Variants in PRR5 observed in about 807,000 individuals in gnomAD.
PRR5 encodes the protein proline rich 5.
PRR5 carries 25 observed loss-of-function variants against 30.6 expected under a neutral mutation model. The ratio of observed to expected loss-of-function variants is 0.82; its 90% confidence interval spans 0.60 to 1.14. The LOEUF (loss-of-function observed/expected upper bound fraction) is 1.14, where lower values mean the gene tolerates loss of function less well. Ranked by LOEUF, PRR5 falls within the 50% of genes most tolerant of loss-of-function variation. PRR5 has a pLI of 0.00. For synonymous variants in PRR5, 286 were observed against 247.1 expected (o/e 1.16, Z -1.48); for missense variants, 600 against 547.1 (o/e 1.10, Z -0.96).
intron 2 of PRR5, among the ~76,000 whole-genome samples, chr22:44,715,050 C>G (rs1928849068): frequency 6.6e-6 from 1 of 152,238 alleles, no homozygotes; most frequent in African/African-American, 2.4e-5. Flanking sequence ...AAGGACCCAC[C>G]TGCCTAACGA....
chr22:44,685,284 C>T (rs975360347), intron 1 of PRR5, among the ~76,000 whole-genome samples: 1 of 152,176 alleles, frequency 6.6e-6, no homozygotes, highest in African/African-American at 2.4e-5. Context: ...ATATCCCACT[C>T]CTGTGCAAGG....
At chr22:44,692,378 C>T (rs1213027291) in intron 1 of PRR5, among the ~76,000 whole-genome samples, 5 of 137,970 alleles carry the variant, frequency 3.6e-5, no homozygotes, top group Non-Finnish European at 7.8e-5. Context: ...CTCCTCCTCC[C>T]GGGGCTCCTC....
chr22:44,717,686 C>T (rs190585750), intron 2 of PRR5, among the ~76,000 whole-genome samples: 7 of 151,412 alleles, frequency 4.6e-5, no homozygotes, highest in East Asian at 1.9e-4. Flanking sequence ...TCTTGAGGTC[C>T]GCTCAGGGAG....
At chr22:44,715,686 G>A (rs937598977) in intron 2 of PRR5, among the ~76,000 whole-genome samples, 2 of 152,114 alleles carry the variant, frequency 1.3e-5, no homozygotes, top group African/African-American at 4.8e-5. Context: ...ACGGGGTCTT[G>A]CTCTTGCCCA....
intron 1 of PRR5, among the ~76,000 whole-genome samples, chr22:44,708,628 G>A (rs1297691497): frequency 6.6e-6 from 1 of 152,070 alleles, no homozygotes; most frequent in East Asian, 1.9e-4. Context: ...AACCTTTAAG[G>A]TGAGCTCAAT....
chr22:44,715,161 A>G (rs962606589), intron 2 of PRR5, among the ~76,000 whole-genome samples: 1 of 152,262 alleles, frequency 6.6e-6, no homozygotes, highest in Admixed American at 6.5e-5. Context: ...CAGGCTGGAC[A>G]CACACCCGAC....
chr22:44,672,959 G>T (rs1296446389), upstream of PRR5, among the ~76,000 whole-genome samples: 1 of 152,218 alleles, frequency 6.6e-6, no homozygotes, highest in African/African-American at 2.4e-5. Flanking sequence ...AGGAAATACT[G>T]CCACAGAGCC....
intron 1 of PRR5, among the ~76,000 whole-genome samples, chr22:44,690,064 C>G (rs1394064808): frequency 6.6e-6 from 1 of 151,908 alleles, no homozygotes; most frequent in East Asian, 1.9e-4. Context: ...TGAGACTGAG[C>G]TTACAGAGGA....
At chr22:44,670,500 G>C (rs1923360120) in intron 1 of PRR5, among the ~76,000 whole-genome samples, 1 of 152,140 alleles carries the variant, frequency 6.6e-6, no homozygotes. Flanking sequence ...CCACCCACAG[G>C]GGCAGTCAGG....
At chr22:44,729,691 G>A (rs952456944) in intron 4 of PRR5, 103 of 985,376 alleles carry the variant, frequency 1.0e-4, no homozygotes, top group Non-Finnish European at 1.2e-4. Flanking sequence ...GGCCCCGGCA[G>A]AGAGCCCCAA....
intron 6 of PRR5, chr22:44,734,741 G>C: frequency 2.1e-6 from 1 of 484,288 alleles, no homozygotes. Context: ...CCGAGGGGTG[G>C]AAGGTGCAGA....
At chr22:44,698,813 A>T (rs918103579), upstream of PRR5, among the ~76,000 whole-genome samples, 1 of 152,236 alleles carries the variant, frequency 6.6e-6, no homozygotes, top group African/African-American at 2.4e-5. Context: ...TGCAGGCCAC[A>T]CAGAGCACAC....
At chr22:44,697,255 C>T (rs1427531811), upstream of PRR5, among the ~76,000 whole-genome samples, 1 of 152,192 alleles carries the variant, frequency 6.6e-6, no homozygotes, top group African/African-American at 2.4e-5. Context: ...CCCTGGGCTC[C>T]CCCAGCGTGG....
intron 1 of PRR5, among the ~76,000 whole-genome samples, chr22:44,670,271 G>A (rs1322192469): frequency 6.6e-6 from 1 of 152,224 alleles, no homozygotes; most frequent in African/African-American, 2.4e-5. Context: ...GTCAGAGGAG[G>A]TTATGGCCTC....
rs956411879 is a variant in PRR5, at chr22:44,702,332, G to A, written c.-143G>A. The A allele has an allele frequency of 4.3e-6, 5 of 1,155,648 alleles. No individual in the cohort carries two copies. The allele number at this position is 1,155,648 out of a possible 1,614,324, so 71.6% of individuals were successfully genotyped here. A position where few individuals can be genotyped will look rare whatever the true frequency, so the allele number is the denominator to read the frequency against. ...AGACGGAGGCGCGGGGCCGGGGCGG[G>A]ACCCCGCAGGACCGCTCGGCTTCCT... On this transcript the variant is annotated 5_prime_UTR_variant, in exon 1 of 8. Coordinates refer to ENST00000336985, the MANE Select transcript of PRR5 (RefSeq NM_181333.4).
intron 1 of PRR5, among the ~76,000 whole-genome samples, chr22:44,689,139 G>A (rs1462606608): frequency 2.6e-5 from 4 of 152,050 alleles, no homozygotes; most frequent in African/African-American, 2.4e-5. Flanking sequence ...AGGTTTTCTC[G>A]TTCTCTAAAT....
intron 3 of PRR5, among the ~76,000 whole-genome samples, chr22:44,726,034 A>C (rs734799): frequency 0.39 from 60,026 of 152,076 alleles, 12,059 homozygotes; most frequent in South Asian, 0.59. Flanking sequence ...TTCTCTTAGC[A>C]TCAGGTTCTT....
intron 1 of PRR5, among the ~76,000 whole-genome samples, chr22:44,684,024 C>T (rs749945162): frequency 8.5e-5 from 13 of 152,204 alleles, no homozygotes; most frequent in Admixed American, 2.6e-4. Flanking sequence ...GTGTGTCCCC[C>T]GGACTGGGTG....
chr22:44,685,379 C>G (rs41396744), intron 1 of PRR5, among the ~76,000 whole-genome samples: 13,909 of 152,242 alleles, frequency 0.091, 796 homozygotes, highest in East Asian at 0.27. Context: ...AAACAAAAAA[C>G]GATTTCTCCT....
Sources: allele counts gnomAD v4.1 joint callset (sites outside exome capture counted in the v4.1 genomes callset), GRCh38; gene constraint gnomAD v4.1.1; transcripts MANE v1.5; gene names NCBI Gene and HGNC (gene_info 2026-07-23, HGNC 2026-07-21).